ANXA4: variants seen among roughly 807,000 people sequenced by gnomAD.
ANXA4 encodes annexin A4, also known as 35-beta calcimedin.
ANXA4 carries 39 observed loss-of-function variants against 49.8 expected under a neutral mutation model. The ratio of observed to expected loss-of-function variants is 0.78; its 90% CI spans 0.61 to 1.02. The LOEUF is 1.02. ANXA4 is among the 50% of genes least tolerant of loss of function. The pLI, the probability that ANXA4 is intolerant of heterozygous loss-of-function variation, is 0.00. For missense variants in ANXA4, 360 were observed against 410.1 expected, an observed-to-expected ratio of 0.88 and a Z score of 1.05; for synonymous variants, 134 against 152.5, an observed-to-expected ratio of 0.88 and a Z score of 0.89.
At chr2:69,772,482 T>C (rs1305588028) in intron 1 of ANXA4, among the ~76,000 whole-genome samples, 1 of 152,224 alleles carries the variant, frequency 6.6e-6, no homozygotes, top group Non-Finnish European at 1.5e-5. Flanking sequence ...GAGCTGTCAT[T>C]CTGTGCAGCT....
chr2:69,691,179 A>G (rs189052508), intron 2 of ANXA4, among the ~76,000 whole-genome samples: 32 of 150,238 alleles, frequency 2.1e-4, no homozygotes, highest in Non-Finnish European at 3.7e-4. Context: ...GCTGGAGTGC[A>G]GTGGTGCTAT....
chr2:69,714,321 C>T (rs532419222), intron 2 of ANXA4, among the ~76,000 whole-genome samples: 15 of 145,214 alleles, frequency 1.0e-4, no homozygotes, highest in East Asian at 2.4e-4. Flanking sequence ...GTACAGTTTC[C>T]GGAAGGGAGG....
rs545723630 is a variant in ANXA4, at chr2:69,662,018, A to G, written n.766+8736A>G. On this transcript the variant is annotated intron_variant and non_coding_transcript_variant, in intron 2 of 3. Transcript: ENST00000418066. ...AACCACCCCAACACTTGAAGGTTAC[A>G]TAAAACAGTGACCATTATATCTCAT... Among the ~76,000 whole-genome samples, 17 of 152,382 alleles carry G rather than the reference A, an allele frequency of 1.1e-4. No individual in the cohort carries two copies. In the South Asian group the frequency reaches 2.3e-3, roughly 20 times the overall value.
chr2:69,773,681 G>A (rs569635413), intron 1 of ANXA4, among the ~76,000 whole-genome samples: 1 of 121,420 alleles, frequency 8.2e-6, no homozygotes, highest in African/African-American at 3.2e-5. Context: ...ACCCAGGCTA[G>A]AGTGCAGTGG....
intron 10 of ANXA4, 88 bp downstream of exon 10, chr2:69,818,782 T>A: frequency 1.2e-6 from 1 of 840,366 alleles, no homozygotes; most frequent in Admixed American, 2.6e-5. Flanking sequence ...AGAATTATTT[T>A]TAGAGATAAA....
At chr2:69,670,312 C>T (rs900084778) in intron 2 of ANXA4, among the ~76,000 whole-genome samples, 1 of 151,830 alleles carries the variant, frequency 6.6e-6, no homozygotes, top group African/African-American at 2.4e-5. Flanking sequence ...TAGTGGCACA[C>T]ACTTCTAGTC....
Position 69,725,932 on chromosome 2 carries a change from G to T in ANXA4, n.864+5061G>T, listed in dbSNP as rs138692510. Among the ~76,000 whole-genome samples the T allele has an allele frequency of 7.9e-3, 1,210 of 152,262 alleles. 9 individuals carry two copies. Among genetic ancestry groups the T allele is most frequent in the Non-Finnish European group, 0.012 (839 of 68,020 alleles). On this transcript the variant is annotated intron_variant and non_coding_transcript_variant, in intron 3 of 3. Coordinates refer to the ANXA4 transcript ENST00000418066. ...GTCATCACTTCATGATTTGGTTCTTGTGACTTTTTTTTCACTATGCAGTTG... is the reference window on the plus strand; with the variant it reads ...GTCATCACTTCATGATTTGGTTCTTTTGACTTTTTTTTCACTATGCAGTTG...
intron 1 of ANXA4, among the ~76,000 whole-genome samples, chr2:69,651,434 G>C (rs1051202934): frequency 6.6e-6 from 1 of 152,130 alleles, no homozygotes; most frequent in African/African-American, 2.4e-5. Context: ...CTTACTGCCA[G>C]CTCTTCCTTT....
intron 1 of ANXA4, among the ~76,000 whole-genome samples, chr2:69,766,816 C>T (rs374282991): frequency 2.0e-5 from 3 of 152,122 alleles, no homozygotes; most frequent in African/African-American, 4.8e-5. Context: ...ACCCATCACT[C>T]GCCTGTAGAT....
intron 2 of ANXA4, among the ~76,000 whole-genome samples, chr2:69,785,073 G>A (rs1487932609): frequency 6.6e-6 from 1 of 152,156 alleles, no homozygotes; most frequent in Non-Finnish European, 1.5e-5. Context: ...CAATAACGGG[G>A]CCCAAGGAAG....
At chr2:69,714,879 A>C (rs6726789) in intron 2 of ANXA4, among the ~76,000 whole-genome samples, 8,774 of 152,168 alleles carry the variant, frequency 0.058, 874 homozygotes, top group African/African-American at 0.2. Flanking sequence ...TCTTGTGGAT[A>C]CCTCATCAGA....
At chr2:69,680,612 C>G (rs546364575) in intron 2 of ANXA4, among the ~76,000 whole-genome samples, 1 of 152,160 alleles carries the variant, frequency 6.6e-6, no homozygotes, top group Non-Finnish European at 1.5e-5. Flanking sequence ...CATCTTTTCC[C>G]CATTCAGTAT....
At chr2:69,703,050 C>A (rs900377197) in intron 2 of ANXA4, among the ~76,000 whole-genome samples, 3 of 152,120 alleles carry the variant, frequency 2.0e-5, no homozygotes, top group African/African-American at 2.4e-5. Context: ...TCTGGAAAGA[C>A]ACAGAGTCAC....
At chr2:69,696,405 T>C (rs1573113685) in intron 2 of ANXA4, among the ~76,000 whole-genome samples, 1 of 152,230 alleles carries the variant, frequency 6.6e-6, no homozygotes, top group Admixed American at 6.5e-5. Context: ...TCCAGTTCTC[T>C]TGCTATTTTC....
In ANXA4 at chr2:69,806,542, C is replaced by T. The variant is rs377511115; in HGVS notation, c.306+44C>T. 1.0e-3 allele frequency: 1,537 copies of T among 1,484,734 alleles called. 4 individuals carry two copies. The highest frequency in any genetic ancestry group is 1.3e-3 in the Non-Finnish European group (1,381 of 1,064,204). 92.0% of individuals were successfully genotyped at this position (1,484,734 alleles called of 1,614,324 possible). A position where few individuals can be genotyped will look rare whatever the true frequency, so the allele number is the denominator to read the frequency against. ...GTGCTCTTGGTGCTGTTGGTGCAAA[C>T]GCTGATGTGCTTTCTTAAGAAACTG... On this transcript the variant is annotated intron_variant, in intron 5 of 12. Coordinates refer to ENST00000394295, the MANE Select transcript of ANXA4 (RefSeq NM_001153.5).
At chr2:69,786,906 G>T (rs1213414238) in intron 2 of ANXA4, among the ~76,000 whole-genome samples, 1 of 151,988 alleles carries the variant, frequency 6.6e-6, no homozygotes, top group East Asian at 1.9e-4. Context: ...GTATGTTTTT[G>T]TAGAGATGAG....
intron 3 of ANXA4, among the ~76,000 whole-genome samples, chr2:69,799,091 G>A (rs1157057228): frequency 6.6e-6 from 1 of 152,196 alleles, no homozygotes; most frequent in African/African-American, 2.4e-5. Context: ...GGGCCTGATG[G>A]TTTAGCTGCG....
chr2:69,796,782 G>A (rs1357858241), intron 3 of ANXA4, among the ~76,000 whole-genome samples: 1 of 152,044 alleles, frequency 6.6e-6, no homozygotes, highest in African/African-American at 2.4e-5. Context: ...GAAGGACTGG[G>A]GCACTTAGAA....
At chr2:69,741,450 C>T (rs1270950928), upstream of ANXA4, among the ~76,000 whole-genome samples, 2 of 152,234 alleles carry the variant, frequency 1.3e-5, no homozygotes, top group Admixed American at 1.3e-4. Context: ...ACTTTAGTCA[C>T]TCACAGGAGT....
Sources: allele counts gnomAD v4.1 joint callset (sites outside exome capture counted in the v4.1 genomes callset), GRCh38; gene constraint gnomAD v4.1.1; transcripts MANE v1.5; gene names NCBI Gene and HGNC (gene_info 2026-07-23, HGNC 2026-07-21).